PDE1C: variants seen among roughly 807,000 people sequenced by gnomAD.
The protein encoded by PDE1C is phosphodiesterase 1C, also known as dual specificity calcium/calmodulin-dependent 3',5'-cyclic nucleotide phosphodiesterase 1C.
A neutral mutation model predicts 93.1 loss-of-function variants in PDE1C; 62 were observed. The observed-to-expected ratio is 0.67, with a 90% confidence interval of 0.54 to 0.82. PDE1C has a LOEUF of 0.82. Ranked by LOEUF, PDE1C falls within the 40% of genes least tolerant of loss-of-function variation. The pLI, the probability that PDE1C is intolerant of heterozygous loss-of-function variation, is 0.00. For missense variants in PDE1C, 742 were observed against 884.6 expected, an observed-to-expected ratio of 0.84 and a Z score of 2.04; for synonymous variants, 325 against 310.1, an observed-to-expected ratio of 1.05 and a Z score of -0.50.
intron 2 of PDE1C, among the ~76,000 whole-genome samples, chr7:32,179,418 G>A (rs1803237469): frequency 6.6e-6 from 1 of 151,948 alleles, no homozygotes; most frequent in South Asian, 2.1e-4. Flanking sequence ...CCGCCACCAT[G>A]CCCAGCTAAT....
intron 17 of PDE1C, among the ~76,000 whole-genome samples, chr7:31,760,907 T>C (rs769228784): frequency 1.3e-5 from 2 of 152,154 alleles, no homozygotes; most frequent in Non-Finnish European, 2.9e-5. Context: ...AAAATCAGTA[T>C]CTGTTTGTGG....
chr7:31,623,861 T>G, the PDE1C span, among the ~76,000 whole-genome samples: 4 of 152,136 alleles, frequency 2.6e-5, no homozygotes, highest in African/African-American at 9.7e-5. Context: ...TGATTTTATA[T>G]GTAGAAAACC....
At chr7:31,851,122 T>C (rs1187085393) in intron 7 of PDE1C, among the ~76,000 whole-genome samples, 1 of 147,390 alleles carries the variant, frequency 6.8e-6, no homozygotes, top group Non-Finnish European at 1.5e-5. Flanking sequence ...GAAATTTGAA[T>C]GCAATACCAA....
intron 2 of PDE1C, among the ~76,000 whole-genome samples, chr7:31,928,453 A>G (rs1340647801): frequency 1.3e-5 from 2 of 151,966 alleles, no homozygotes; most frequent in African/African-American, 4.9e-5. Context: ...ATACTCCTTA[A>G]GAAGAGTAAC....
the PDE1C span, among the ~76,000 whole-genome samples, chr7:31,677,898 G>A: frequency 6.6e-6 from 1 of 151,950 alleles, no homozygotes; most frequent in East Asian, 1.9e-4. Flanking sequence ...AAGAATCAAT[G>A]GAAAAAATGC....
At chr7:32,103,724 G>C (rs1392066274) in intron 3 of PDE1C, among the ~76,000 whole-genome samples, 1 of 152,074 alleles carries the variant, frequency 6.6e-6, no homozygotes, top group Non-Finnish European at 1.5e-5. Flanking sequence ...TAAATGATAT[G>C]AGTCAAAAAC....
chr7:31,652,833 A>T, the PDE1C span: 5 of 1,606,456 alleles, frequency 3.1e-6, no homozygotes, highest in Admixed American at 1.7e-5. Flanking sequence ...CCTCTAGATC[A>T]GAGCAGGTTT....
At chr7:32,185,125 GAA>G (rs374653663) in intron 2 of PDE1C, among the ~76,000 whole-genome samples, 4 of 123,978 alleles carry the variant, frequency 3.2e-5, no homozygotes, top group South Asian at 2.9e-4. Context: ...ACAAAAAAAA[GAA>G]AAAAAAAAAC....
chr7:32,093,149 T>C (rs1797567382), intron 3 of PDE1C, among the ~76,000 whole-genome samples: 1 of 152,198 alleles, frequency 6.6e-6, no homozygotes, highest in Non-Finnish European at 1.5e-5. Flanking sequence ...CAAGAATACA[T>C]AGAAGGGTAG....
intron 3 of PDE1C, among the ~76,000 whole-genome samples, chr7:32,139,209 C>G (rs1269206947): frequency 1.3e-5 from 2 of 151,762 alleles, no homozygotes; most frequent in Non-Finnish European, 2.9e-5. Context: ...GATCACGGCT[C>G]ACTGCAACCT....
intron 3 of PDE1C, among the ~76,000 whole-genome samples, chr7:32,116,049 A>T (rs1232055639): frequency 6.6e-6 from 1 of 152,230 alleles, no homozygotes; most frequent in Non-Finnish European, 1.5e-5. Flanking sequence ...AAACAATGAG[A>T]GACTTTAAAA....
At chr7:31,650,505 G>A in the PDE1C span, among the ~76,000 whole-genome samples, 3 of 152,158 alleles carry the variant, frequency 2.0e-5, no homozygotes, top group African/African-American at 7.2e-5. Context: ...GGAGCAATGG[G>A]AAGGATTAAA....
At chr7:32,347,201 C>T (rs1783869598) in intron 1 of PDE1C, among the ~76,000 whole-genome samples, 2 of 152,172 alleles carry the variant, frequency 1.3e-5, no homozygotes, top group African/African-American at 4.8e-5. Flanking sequence ...AGTCTACACC[C>T]AAGGGAACAC....
chr7:31,950,621 T>C (rs761867892), intron 2 of PDE1C, among the ~76,000 whole-genome samples: 25 of 152,192 alleles, frequency 1.6e-4, no homozygotes, highest in Admixed American at 5.2e-4. Context: ...AGTCATTATA[T>C]GTCTGAAGGA....
At chr7:32,248,266 G>A (rs1268486005) in intron 1 of PDE1C, among the ~76,000 whole-genome samples, 3 of 152,182 alleles carry the variant, frequency 2.0e-5, no homozygotes, top group Non-Finnish European at 4.4e-5. Context: ...TCATTGCAAT[G>A]AGAGAAGTCC....
chr7:31,643,820 G>A, the PDE1C span: 2 of 1,613,906 alleles, frequency 1.2e-6, no homozygotes, highest in Admixed American at 1.7e-5. Flanking sequence ...CACTGCCACG[G>A]GGAGAGGCAA....
chr7:31,828,711 A>G (rs1790002388), intron 11 of PDE1C, among the ~76,000 whole-genome samples: 1 of 152,114 alleles, frequency 6.6e-6, no homozygotes, highest in Admixed American at 6.6e-5. Context: ...GTGTTTTCTC[A>G]AGTCATCCTG....
At chr7:31,788,652 A>G (rs1784259980) in intron 16 of PDE1C, 1 of 152,148 alleles carries the variant, frequency 6.6e-6, no homozygotes, top group Non-Finnish European at 1.5e-5. Flanking sequence ...GGCTTGCTTT[A>G]TTCATTTACT....
At chr7:32,158,379 G>C (rs764737395) in intron 3 of PDE1C, among the ~76,000 whole-genome samples, 2 of 152,150 alleles carry the variant, frequency 1.3e-5, no homozygotes, top group African/African-American at 4.8e-5. Context: ...CTGACTTCCA[G>C]GGTTAGGAGG....
Sources: gnomAD v4.1 joint callset for allele counts (sites outside exome capture counted in the v4.1 genomes callset) on GRCh38, gnomAD v4.1.1 for gene constraint, MANE v1.5 for transcripts, NCBI Gene and HGNC (gene_info 2026-07-23, HGNC 2026-07-21) for gene names.